The following KIAA1217 variants were observed in gnomAD, a reference collection of about 807,000 sequenced individuals.
KIAA1217 encodes the protein KIAA1217.
Under a neutral mutation model 163.9 loss-of-function variants are expected in KIAA1217, and 88 were observed. The ratio of observed to expected loss-of-function variants is 0.54; its 90% CI spans 0.45 to 0.64. The LOEUF (loss-of-function observed/expected upper bound fraction) is 0.64, where lower values mean the gene tolerates loss of function less well. Ranked by LOEUF, KIAA1217 falls within the 30% of genes least tolerant of loss-of-function variation. The pLI is 0.00. For missense variants in KIAA1217, 2,372 were observed against 2,475.0 expected (o/e 0.96, Z 0.88); for synonymous variants, 903 against 923.1 (o/e 0.98, Z 0.39).
At chr10:24,490,092 G>T (rs1160791452) in intron 6 of KIAA1217, among the ~76,000 whole-genome samples, 2 of 152,064 alleles carry the variant, frequency 1.3e-5, no homozygotes, top group Non-Finnish European at 2.9e-5. Context: ...TTTGACTTGA[G>T]TTTTTTTATT....
intron 1 of KIAA1217, among the ~76,000 whole-genome samples, chr10:23,697,876 C>CA (rs763181707): frequency 0.028 from 3,626 of 129,646 alleles, 98 homozygotes; most frequent in African/African-American, 0.081. Context: ...GACCCTGTCT[C>CA]AAAAAAAAAA....
At chr10:24,498,164 G>A (rs2067057598) in intron 8 of KIAA1217, among the ~76,000 whole-genome samples, 1 of 152,094 alleles carries the variant, frequency 6.6e-6, no homozygotes, top group East Asian at 1.9e-4. Context: ...GGTGGTGGTA[G>A]CAGAAGTGGC....
chr10:24,510,893 T>A (rs927684537), intron 9 of KIAA1217, among the ~76,000 whole-genome samples: 2 of 152,146 alleles, frequency 1.3e-5, no homozygotes, highest in East Asian at 3.8e-4. Flanking sequence ...TTCTTCATTG[T>A]TGCCTGTTCT....
chr10:23,867,658 A>C (rs1173566287), intron 1 of KIAA1217, among the ~76,000 whole-genome samples: 1 of 152,130 alleles, frequency 6.6e-6, no homozygotes, highest in Non-Finnish European at 1.5e-5. Flanking sequence ...TCTTTTGAGA[A>C]GTGTCTGTTC....
chr10:24,045,999 G>A (rs10828594), intron 2 of KIAA1217, among the ~76,000 whole-genome samples: 57,100 of 151,956 alleles, frequency 0.38, 12,033 homozygotes, highest in Non-Finnish European at 0.48. Flanking sequence ...ATTTTATTCA[G>A]GATGAGGATA....
At chr10:23,791,988 C>T (rs929899088) in intron 1 of KIAA1217, among the ~76,000 whole-genome samples, 5 of 152,170 alleles carry the variant, frequency 3.3e-5, no homozygotes, top group Non-Finnish European at 5.9e-5. Flanking sequence ...GCAATTTGAG[C>T]TACATGCATA....
At chr10:24,542,646 G>C in intron 17 of KIAA1217, 47 bp from the exon 18 acceptor site, 1 of 1,596,560 alleles carries the variant, frequency 6.3e-7, no homozygotes, top group Non-Finnish European at 8.6e-7. Context: ...CACTTTTTTG[G>C]GGGGATGTGG....
chr10:24,481,249 T>G (rs1319321523), intron 6 of KIAA1217: 1 of 152,174 alleles, frequency 6.6e-6, no homozygotes, highest in African/African-American at 2.4e-5. Context: ...ATTAAAAGCT[T>G]AATATAAACA....
At chr10:23,894,672 C>T (rs1275487181) in intron 1 of KIAA1217, among the ~76,000 whole-genome samples, 1,985 of 147,162 alleles carry the variant, frequency 0.013, 25 homozygotes, top group Admixed American at 0.038. Flanking sequence ...AAAAAGAGCC[C>T]GCATCGCCAA....
intron 1 of KIAA1217, among the ~76,000 whole-genome samples, chr10:23,986,274 C>T (rs1845964887): frequency 6.6e-6 from 1 of 152,228 alleles, no homozygotes; most frequent in African/African-American, 2.4e-5. Flanking sequence ...ATTGGAGACA[C>T]TGAACGCAAA....
intron 2 of KIAA1217, among the ~76,000 whole-genome samples, chr10:24,090,146 T>G (rs1251410576): frequency 6.7e-6 from 1 of 148,176 alleles, no homozygotes; most frequent in Admixed American, 6.7e-5. Context: ...TCTTTTTTCT[T>G]TCTTTCTTTT....
chr10:23,760,626 T>G (rs1024109663), intron 1 of KIAA1217, among the ~76,000 whole-genome samples: 1 of 152,104 alleles, frequency 6.6e-6, no homozygotes, highest in Non-Finnish European at 1.5e-5. Flanking sequence ...GGAATGATTT[T>G]AAAAATGAAT....
chr10:24,135,750 G>A (rs1002470480), intron 2 of KIAA1217, among the ~76,000 whole-genome samples: 2 of 152,118 alleles, frequency 1.3e-5, no homozygotes, highest in Non-Finnish European at 2.9e-5. Flanking sequence ...GACAGGGACT[G>A]TAGTCCCAGC....
chr10:23,826,661 C>G (rs1837914496), intron 1 of KIAA1217, among the ~76,000 whole-genome samples: 1 of 152,146 alleles, frequency 6.6e-6, no homozygotes. Flanking sequence ...GGTGTCCCTT[C>G]CATGCTGGGA....
intron 3 of KIAA1217, among the ~76,000 whole-genome samples, chr10:24,396,203 G>A (rs2130929437): frequency 1.3e-5 from 2 of 152,182 alleles, no homozygotes; most frequent in Admixed American, 1.3e-4. Flanking sequence ...CAGGTGTGGT[G>A]GCAGGCACCT....
intron 1 of KIAA1217, among the ~76,000 whole-genome samples, chr10:23,815,592 T>C (rs1384944977): frequency 2.0e-5 from 3 of 152,108 alleles, no homozygotes; most frequent in Non-Finnish European, 4.4e-5. Flanking sequence ...TGCAGTGAGC[T>C]GAGATCAGGC....
rs760239002 is a variant in KIAA1217, at chr10:24,275,739, T to C, written c.354+55830T>C. The stretch of plus-strand genomic sequence containing the variant: ...AATTGCAGTGCTTCCCATTTAAAAG[T>C]AATGGCACACACTGCAATTACTTTT... On this transcript the variant is annotated intron_variant, in intron 2 of 20. Coordinates refer to ENST00000376454, the MANE Select transcript of KIAA1217 (RefSeq NM_019590.5). 5.1e-5 allele frequency: 27 copies of C among 533,596 alleles called. No individual in the cohort carries two copies. The East Asian group carries it at 1.5e-3, about 29-fold the overall frequency. The allele number at this position is 533,596 out of a possible 1,614,324, so 33.1% of individuals were successfully genotyped here. A position where few individuals can be genotyped will look rare whatever the true frequency, so the allele number is the denominator to read the frequency against.
intron 2 of KIAA1217, among the ~76,000 whole-genome samples, chr10:24,167,496 T>C (rs1444982736): frequency 6.6e-6 from 1 of 152,110 alleles, no homozygotes; most frequent in East Asian, 1.9e-4. Flanking sequence ...GAGCCCAAGA[T>C]GTAAAGGCCT....
In KIAA1217 at chr10:24,521,841, G is replaced by A. The variant is rs1385829447; in HGVS notation, c.2368G>A (p.Val790Met). The A allele has an allele frequency of 6.2e-7, 1 of 1,613,784 alleles. No individual in the cohort carries two copies. ...CATCCTGCGCATAGAAGTGGAGGCC[G>A]TGCGGTTTCTGAAGGAGGAGCCACA... Reference protein sequence around the residue: ...RAILRIEVEAVRFLKEEPHKL... With the variant: ...RAILRIEVEAMRFLKEEPHKL... Residue 790 changes from valine (V) to methionine (M), a missense_variant, in exon 12 of 21, where the codon GTG becomes ATG. Physicochemically the swap from Val to Met is conservative, Grantham distance 21. Coordinates refer to ENST00000376454, the MANE Select transcript of KIAA1217 (RefSeq NM_019590.5).
Sources: allele counts gnomAD v4.1 joint callset (sites outside exome capture counted in the v4.1 genomes callset), GRCh38; gene constraint gnomAD v4.1.1; transcripts MANE v1.5; gene names NCBI Gene and HGNC (gene_info 2026-07-23, HGNC 2026-07-21).